The following SIRT2 variants were observed in gnomAD, a reference collection of about 807,000 sequenced individuals.
SIRT2 encodes the protein sirtuin 2.
A neutral mutation model predicts 57.4 loss-of-function variants in SIRT2; 40 were observed. The observed-to-expected ratio is 0.70, with a 90% CI of 0.54 to 0.91. The LOEUF is 0.91. SIRT2 is among the 40% of genes least tolerant of loss of function. The pLI is 0.00. For synonymous variants in SIRT2, 161 were observed against 195.7 expected (o/e 0.82, Z 1.48); for missense variants, 439 against 510.4 (o/e 0.86, Z 1.35).
At chr19:38,890,268 A>G in intron 4 of SIRT2, 124 bp from the exon 5 acceptor site, 1 of 875,706 alleles carries the variant, frequency 1.1e-6, no homozygotes, top group South Asian at 1.5e-5. Flanking sequence ...TCTCAGATGC[A>G]TGACGGGCCT....
intron 8 of SIRT2, among the ~76,000 whole-genome samples, chr19:38,885,167 C>A (rs1310035758): frequency 6.6e-6 from 1 of 152,082 alleles, no homozygotes; most frequent in African/African-American, 2.4e-5. Flanking sequence ...CTCACTGTAG[C>A]CTTCACCTCC....
At chr19:38,891,413 G>A (rs1973531213) in intron 4 of SIRT2, among the ~76,000 whole-genome samples, 1 of 152,152 alleles carries the variant, frequency 6.6e-6, no homozygotes, top group Non-Finnish European at 1.5e-5. Flanking sequence ...GCCGGGCGTG[G>A]TGGCACGCGC....
intron 8 of SIRT2, 44 bp from the exon 9 acceptor site, chr19:38,883,800 C>A: frequency 6.2e-7 from 1 of 1,605,038 alleles, no homozygotes; most frequent in Non-Finnish European, 8.5e-7. Flanking sequence ...AGTGAGCCAC[C>A]CCTTGTAGGC....
At chr19:38,891,854 G>A in intron 4 of SIRT2, 1 of 469,010 alleles carries the variant, frequency 2.1e-6, no homozygotes, top group Non-Finnish European at 4.4e-6. Flanking sequence ...TGCCTGTGTT[G>A]TCTTTGGGGC....
chr19:38,887,663 G>A (rs142451309), intron 8 of SIRT2, among the ~76,000 whole-genome samples: 25 of 152,298 alleles, frequency 1.6e-4, no homozygotes, highest in African/African-American at 5.8e-4. Context: ...TCCCCCTGGC[G>A]GTAGCTTTTG....
intron 9 of SIRT2, among the ~76,000 whole-genome samples, chr19:38,882,170 T>C (rs1351520197): frequency 1.3e-5 from 2 of 151,186 alleles, no homozygotes; most frequent in Non-Finnish European, 2.9e-5. Context: ...GCATCCACCA[T>C]CGCACCTGGC....
chr19:38,898,627 T>C (rs1212027047), intron 1 of SIRT2: 1 of 395,896 alleles, frequency 2.5e-6, no homozygotes, highest in South Asian at 8.8e-5. Context: ...GAGAGGTGAT[T>C]AGTGAGGGGC....
chr19:38,881,268 C>T (rs1018204123), intron 10 of SIRT2, 113 bp from the exon 11 acceptor site: 14 of 1,198,210 alleles, frequency 1.2e-5, no homozygotes, highest in African/African-American at 1.5e-5. Flanking sequence ...CAGTGGGGAC[C>T]GGCCAGGGGC....
At chr19:38,884,239 TG>T (rs1287287930) in intron 8 of SIRT2, among the ~76,000 whole-genome samples, 1 of 151,732 alleles carries the variant, frequency 6.6e-6, no homozygotes, top group East Asian at 1.9e-4. Flanking sequence ...AGAAAAAAAA[TG>T]TTGTTTTATT....
chr19:38,896,596 T>C (rs1973724079), intron 2 of SIRT2, among the ~76,000 whole-genome samples: 2 of 152,188 alleles, frequency 1.3e-5, no homozygotes, highest in Non-Finnish European at 2.9e-5. Context: ...TGACAGCCAT[T>C]TGGACTGTTT....
At position 38,880,638 on chromosome 19, in the gene SIRT2, G is replaced by A; in HGVS notation, c.876+47C>T. The A allele has an allele frequency of 7.2e-7, 1 of 1,393,078 alleles. No individual in the cohort carries two copies. The highest frequency in any genetic ancestry group is 2.1e-4 in the Middle Eastern group (1 of 4,672). The allele number at this position is 1,393,078 out of a possible 1,614,324, so 86.3% of individuals were successfully genotyped here. On this transcript the variant is annotated intron_variant, in intron 13 of 15. Transcript: ENST00000249396. The surrounding 1 kb of genome is among the most constrained non-coding windows in gnomAD (Gnocchi z 4.1). ...GTTCCCTCTGAGGAAAAGGGTGAGA[G>A]GGAAGGGGGAGCCTGTGACGACGGG...
intron 4 of SIRT2, among the ~76,000 whole-genome samples, chr19:38,892,422 AAATTTC>A (rs1438698110): frequency 6.6e-6 from 1 of 151,932 alleles, no homozygotes; most frequent in Non-Finnish European, 1.5e-5. Context: ...AAAGAAATAT[AAATTTC>A]ATGCTGACTC....
chr19:38,879,149 C>T lies in SIRT2; in HGVS notation c.*6G>A. 2.6e-6 allele frequency: 4 copies of T among 1,562,580 alleles called. No homozygotes were observed. Among genetic ancestry groups the T allele is most frequent in the Non-Finnish European group, 3.4e-6 (4 of 1,161,060 alleles). ...AGCTCGGCATCCCGCCTGGGAGATG[C>T]AGCTGTCACTGGGGTTTCTCCCTCT... On this transcript the variant is annotated 3_prime_UTR_variant, in exon 16 of 16. Coordinates refer to ENST00000249396, the MANE Select transcript of SIRT2 (RefSeq NM_012237.4).
At chr19:38,889,572 C>T in intron 7 of SIRT2, 117 bp downstream of exon 7, 10 of 1,176,894 alleles carry the variant, frequency 8.5e-6, no homozygotes, top group Middle Eastern at 2.8e-4. Flanking sequence ...AGTCTGGGCC[C>T]AGCACCCATG....
chr19:38,884,160 G>C (rs868130635), intron 8 of SIRT2, among the ~76,000 whole-genome samples: 1 of 150,986 alleles, frequency 6.6e-6, no homozygotes, highest in South Asian at 2.1e-4. Flanking sequence ...TATGAGGCCA[G>C]GCCCACAGCC....
chr19:38,897,035 T>C (rs1973738548), intron 2 of SIRT2, among the ~76,000 whole-genome samples: 2 of 152,186 alleles, frequency 1.3e-5, no homozygotes, highest in African/African-American at 4.8e-5. Flanking sequence ...TGCCCAGTGC[T>C]GGGGGACTCA....
At chr19:38,881,370 T>C in intron 10 of SIRT2, 62 bp downstream of exon 10, 2 of 1,464,844 alleles carry the variant, frequency 1.4e-6, no homozygotes, top group Non-Finnish European at 1.9e-6. Context: ...TGGGAGGGGG[T>C]CAGGGGGAGG....
intron 8 of SIRT2, 133 bp from the exon 9 acceptor site, chr19:38,883,889 G>C: frequency 1.1e-6 from 1 of 877,750 alleles, no homozygotes; most frequent in Non-Finnish European, 1.8e-6. Context: ...GGGAGGAGAA[G>C]CAAGTGGCAG....
intron 2 of SIRT2, 31 bp from the exon 3 acceptor site, chr19:38,893,898 CGA>C (rs1568405671): frequency 6.2e-7 from 1 of 1,613,404 alleles, no homozygotes; most frequent in Admixed American, 1.7e-5. Flanking sequence ...TGGCCAGGCC[CGA>C]GAGGTGGGAT....
Sources: allele counts gnomAD v4.1 joint callset (sites outside exome capture counted in the v4.1 genomes callset), GRCh38; gene constraint gnomAD v4.1.1; non-coding constraint Gnocchi (gnomAD v3.1); transcripts MANE v1.5; gene names NCBI Gene and HGNC (gene_info 2026-07-23, HGNC 2026-07-21).